Variants in MPRIP observed in about 807,000 individuals in gnomAD.
MPRIP encodes the protein myosin phosphatase Rho interacting protein, also known as myosin phosphatase Rho-interacting protein.
MPRIP carries 59 observed loss-of-function variants against 234.9 expected under a neutral mutation model. That is an observed-to-expected ratio of 0.25 (90% CI 0.20 to 0.31). The LOEUF is 0.31. Ranked by LOEUF, MPRIP falls within the 10% of genes least tolerant of loss-of-function variation. MPRIP has a pLI of 1.00. For synonymous variants in MPRIP, 1,144 were observed against 1,263.9 expected, an observed-to-expected ratio of 0.91 and a Z score of 2.01; for missense variants, 2,436 against 3,071.0, an observed-to-expected ratio of 0.79 and a Z score of 4.89.
chr17:17,092,372 C>T (rs368316785), intron 3 of MPRIP, among the ~76,000 whole-genome samples: 1 of 152,168 alleles, frequency 6.6e-6, no homozygotes, highest in African/African-American at 2.4e-5. Flanking sequence ...GTTTGGTCAT[C>T]TGCTTGACTT....
In MPRIP at chr17:17,103,127, T is replaced by C. The variant is rs192692552; in HGVS notation, c.268-23575T>C. The stretch of plus-strand genomic sequence containing the variant: ...CAGAGTGGTGTGGTGGAGCGAGTAC[T>C]GGACTAAGTCAGAAGGCCCAGGCAG... On this transcript the variant is annotated intron_variant, in intron 3 of 23. Transcript: ENST00000651222. Among the ~76,000 whole-genome samples, 256 of 152,320 alleles carry C rather than the reference T, an allele frequency of 1.7e-3. 1 individual carries two copies. The highest frequency in any genetic ancestry group is 6.8e-3 in the Middle Eastern group (2 of 294).
chr17:17,126,953 T>A, intron 4 of MPRIP, 100 bp downstream of exon 4: 1 of 1,399,734 alleles, frequency 7.1e-7, no homozygotes, highest in South Asian at 1.3e-5. Flanking sequence ...GTTGTCTACT[T>A]CCCCGTGTGC....
At position 17,187,451 on chromosome 17, in the gene MPRIP, G is replaced by A. The variant is rs2046498141; in HGVS notation, c.*2557G>A. The A allele has an allele frequency of 6.6e-6, 1 of 152,242 alleles. No homozygotes were observed. The highest frequency in any genetic ancestry group is 2.1e-4 in the South Asian group (1 of 4,834). 9.4% of individuals were successfully genotyped at this position (152,242 alleles called of 1,614,324 possible). ...CGTTTCTGAAGAGCCCTCATACAGG[G>A]ACAGCCACCATCTGGGTCAAGGAAG... is the stretch of plus-strand genomic sequence containing the variant. On this transcript the variant is annotated 3_prime_UTR_variant, in exon 24 of 24. Coordinates refer to ENST00000651222, the MANE Select transcript of MPRIP (RefSeq NM_001364716.4).
intron 18 of MPRIP, 47 bp downstream of exon 18, chr17:17,172,862 G>A: frequency 6.5e-7 from 1 of 1,529,494 alleles, no homozygotes; most frequent in South Asian, 1.1e-5. Context: ...GCCCCTCTGG[G>A]GTGCTGACCA....
rs746931063 is a variant in MPRIP at position 17,164,585 on chromosome 17, C to T, written c.2994C>T (p.Ala998=). The part of the protein sequence containing the change: ...KEVQRLQERI[A]DLSQQLGASE... ...TCCAGAGGCTGCAGGAGCGCATTGC[C>T]GACCTCAGCCAGCAACTGGGCGCCA... is the stretch of plus-strand genomic sequence containing the variant. Residue 998 remains alanine (A), a synonymous_variant, in exon 16 of 24, where the codon GCC becomes GCT. Coordinates refer to ENST00000651222, the MANE Select transcript of MPRIP (RefSeq NM_001364716.4). 4.1e-6 allele frequency: 5 copies of T among 1,211,462 alleles called. No individual in the cohort carries two copies. The African/African-American group carries it at 8.0e-5, about 19-fold the overall frequency. 75.0% of individuals were successfully genotyped at this position (1,211,462 alleles called of 1,614,324 possible).
At chr17:17,135,988 T>C (rs1334617636) in intron 5 of MPRIP, among the ~76,000 whole-genome samples, 1 of 152,228 alleles carries the variant, frequency 6.6e-6, no homozygotes, top group Non-Finnish European at 1.5e-5. Context: ...GTGTGTTCTC[T>C]TTCCTTACTC....
intron 9 of MPRIP, among the ~76,000 whole-genome samples, 173 bp from the exon 10 acceptor site, chr17:17,145,863 G>C (rs1166884468): frequency 1.3e-5 from 2 of 152,238 alleles, no homozygotes; most frequent in Middle Eastern, 3.2e-3. Context: ...GCCTACAGAA[G>C]GCTGGTTGCA....
At chr17:17,090,485 C>T (rs1423919181) in intron 3 of MPRIP, among the ~76,000 whole-genome samples, 1 of 152,118 alleles carries the variant, frequency 6.6e-6, no homozygotes, top group Non-Finnish European at 1.5e-5. Flanking sequence ...CTGGGGAATG[C>T]TTTGTGATGC....
At chr17:17,170,576 G>C (rs1476511208) in intron 16 of MPRIP, among the ~76,000 whole-genome samples, 1 of 152,236 alleles carries the variant, frequency 6.6e-6, no homozygotes, top group Non-Finnish European at 1.5e-5. Context: ...ATGCTGATAG[G>C]ATTTCTTGGT....
intron 3 of MPRIP, among the ~76,000 whole-genome samples, chr17:17,123,703 C>CA (rs371753802): frequency 0.14 from 8,046 of 58,032 alleles, 634 homozygotes; most frequent in African/African-American, 0.22. Flanking sequence ...GACTTCGTCT[C>CA]AAAAAAAAAA....
intron 7 of MPRIP, chr17:17,141,915 T>G (rs146002303): frequency 0.011 from 1,645 of 152,486 alleles, 12 homozygotes; most frequent in Middle Eastern, 0.023. Flanking sequence ...GGTTTTTGCT[T>G]CTTTAATTCT....
At chr17:17,173,875 T>C (rs776063177) in intron 18 of MPRIP, 41 bp from the exon 19 acceptor site, 1 of 1,612,524 alleles carries the variant, frequency 6.2e-7, no homozygotes, top group African/African-American at 1.3e-5. Flanking sequence ...AGAGGCCTTG[T>C]CCAGAAGCAG....
chr17:17,160,456 C>G (rs1178637239), intron 14 of MPRIP, among the ~76,000 whole-genome samples: 1 of 152,264 alleles, frequency 6.6e-6, no homozygotes, highest in African/African-American at 2.4e-5. Flanking sequence ...GTCCACCACA[C>G]ACACAGCTCC....
At chr17:17,124,003 C>T (rs2090444842) in intron 3 of MPRIP, among the ~76,000 whole-genome samples, 1 of 152,236 alleles carries the variant, frequency 6.6e-6, no homozygotes, top group East Asian at 1.9e-4. Context: ...TGCTAATTTC[C>T]TTCAGTCCTG....
At position 17,164,900 on chromosome 17, in the gene MPRIP, C is replaced by T. The variant is rs1009058387; in HGVS notation, c.3309C>T (p.Leu1103=). ...GGCTCGCAGAGCACGTGCAGAGCCT[C>T]TGTGACGAGCGGGACCTCCTCAGAC... ...VRRLAEHVQS[L]CDERDLLRQR... is the part of the protein sequence containing the mutation. The change falls in exon 16 of 24, where the codon CTC becomes CTT. Residue 1103 remains leucine, a synonymous_variant. Coordinates refer to ENST00000651222, the MANE Select transcript of MPRIP (RefSeq NM_001364716.4). 8 of 1,303,800 alleles carry T rather than the reference C, an allele frequency of 6.1e-6. No homozygotes were observed. The highest frequency in any genetic ancestry group is 8.1e-6 in the Non-Finnish European group (8 of 988,694). The allele number at this position is 1,303,800 out of a possible 1,614,324, so 80.8% of individuals were successfully genotyped here.
chr17:17,173,625 G>A (rs1222074177), intron 18 of MPRIP, among the ~76,000 whole-genome samples: 1 of 146,818 alleles, frequency 6.8e-6, no homozygotes, highest in Non-Finnish European at 1.5e-5. Context: ...TGAGTCAGAA[G>A]AGAGTTCTAG....
intron 1 of MPRIP, among the ~76,000 whole-genome samples, chr17:17,062,284 T>C (rs1420176216): frequency 6.6e-6 from 1 of 152,212 alleles, no homozygotes; most frequent in Non-Finnish European, 1.5e-5. Flanking sequence ...TCCTGCGTGC[T>C]CGGTCAGGCA....
In MPRIP at chr17:17,042,527, A is replaced by G. The variant is rs1208287992; in HGVS notation, c.-322A>G. ...GCCGAGGGCAGCTGCGGCGGCGCGG[A>G]CGAGCCGGGACGGCGGCGACCGGAG... On this transcript the variant is annotated 5_prime_UTR_variant, in exon 1 of 24. Transcript: ENST00000651222. 3 of 145,690 alleles carry G rather than the reference A, an allele frequency of 2.1e-5. No individual in the cohort carries two copies. The highest frequency in any genetic ancestry group is 4.6e-5 in the Non-Finnish European group (3 of 65,788). The allele number at this position is 145,690 out of a possible 1,614,324, so 9.0% of individuals were successfully genotyped here.
intron 3 of MPRIP, among the ~76,000 whole-genome samples, chr17:17,091,637 A>G (rs988043591): frequency 2.2e-4 from 33 of 152,282 alleles, no homozygotes; most frequent in African/African-American, 7.7e-4. Flanking sequence ...TGCCCTTTTC[A>G]CTACATCACA....
Sources: allele counts gnomAD v4.1 joint callset (sites outside exome capture counted in the v4.1 genomes callset), GRCh38; gene constraint gnomAD v4.1.1; transcripts MANE v1.5; gene names NCBI Gene and HGNC (gene_info 2026-07-23, HGNC 2026-07-21).